The following ELOVL5 variants were observed in gnomAD, a reference collection of about 807,000 sequenced individuals.
ELOVL5 encodes the protein very long chain fatty acid elongase 5.
ELOVL5 carries 8 observed loss-of-function variants against 38.6 expected under a neutral mutation model. That is an observed-to-expected ratio of 0.21 (90% CI 0.12 to 0.37). The LOEUF (loss-of-function observed/expected upper bound fraction) is 0.37, where lower values mean the gene tolerates loss of function less well. ELOVL5 is among the 10% of genes least tolerant of loss of function. The pLI, the probability that ELOVL5 is intolerant of heterozygous loss-of-function variation, is 1.00. For missense variants in ELOVL5, 280 were observed against 367.8 expected (o/e 0.76, Z 1.95); for synonymous variants, 127 against 133.7 (o/e 0.95, Z 0.34).
chr6:53,334,497 AAATCATTCAGGGCTAAACAC>A (rs565639368), intron 1 of ELOVL5, among the ~76,000 whole-genome samples: 2 of 152,266 alleles, frequency 1.3e-5, no homozygotes, highest in Admixed American at 1.3e-4. Context: ...ATTGCAGCAA[AAATCATTCAGGGCTAAACAC>A]TGGAAAAATC....
intron 1 of ELOVL5, among the ~76,000 whole-genome samples, chr6:53,322,461 G>A (rs950356790): frequency 6.6e-6 from 1 of 152,114 alleles, no homozygotes; most frequent in African/African-American, 2.4e-5. Context: ...AATCCCATGC[G>A]GAGGCACTAA....
rs1226807442 is a variant in ELOVL5 at position 53,273,317 on chromosome 6, A to C, written c.524T>G (p.Phe175Cys). ...GTAAGAGTACATGAGGACGTGGATG[A>C]AGCTATTAAGTGTGGCACCAAAATA... ...HSYFGATLNS[F>C]IHVLMYSYYG... The change falls in exon 6 of 8, where the codon TTC becomes TGC. Residue 175 changes from phenylalanine (F) to cysteine (C), a missense_variant. Transcript: ENST00000304434. 2 of 1,613,552 alleles carry C rather than the reference A, an allele frequency of 1.2e-6. No individual in the cohort carries two copies. Among genetic ancestry groups the C allele is most frequent in the Non-Finnish European group, 8.5e-7 (1 of 1,179,670 alleles).
chr6:53,316,510 G>T (rs935103387), intron 1 of ELOVL5, among the ~76,000 whole-genome samples: 3 of 151,076 alleles, frequency 2.0e-5, no homozygotes, highest in Admixed American at 1.3e-4. Context: ...TCCAGAGTTT[G>T]TTTTTAAACT....
At chr6:53,342,321 T>C (rs2127595311) in intron 1 of ELOVL5, among the ~76,000 whole-genome samples, 1 of 152,306 alleles carries the variant, frequency 6.6e-6, no homozygotes, top group South Asian at 2.1e-4. Flanking sequence ...TTTGGTATCA[T>C]GAGAACTATT....
At chr6:53,334,134 A>C (rs1192249308) in intron 1 of ELOVL5, among the ~76,000 whole-genome samples, 2 of 152,232 alleles carry the variant, frequency 1.3e-5, no homozygotes, top group Non-Finnish European at 2.9e-5. Flanking sequence ...ACATGTCTAA[A>C]AAAGTGTTTG....
At chr6:53,313,100 G>C (rs1402003218) in intron 1 of ELOVL5, among the ~76,000 whole-genome samples, 1 of 152,140 alleles carries the variant, frequency 6.6e-6, no homozygotes, top group Non-Finnish European at 1.5e-5. Flanking sequence ...CTGTCAAACA[G>C]TAAGAAAATC....
chr6:53,297,774 C>A lies in ELOVL5; in HGVS notation c.-8-2067G>T, dbSNP rs190722803. Among the ~76,000 whole-genome samples the A allele has an allele frequency of 4.6e-5, 7 of 152,058 alleles. No homozygotes were observed. In the East Asian group the frequency reaches 1.2e-3, roughly 25 times the overall value. On this transcript the variant is annotated intron_variant, in intron 1 of 7. Coordinates refer to ENST00000304434, the MANE Select transcript of ELOVL5 (RefSeq NM_021814.5). ...CATTCTAGGGGCCTTAGAATGTACT[C>A]CCTGACGATGAGGGGGTACTAATAT...
chr6:53,289,428 A>G (rs1395541330), intron 3 of ELOVL5, among the ~76,000 whole-genome samples: 1 of 152,200 alleles, frequency 6.6e-6, no homozygotes, highest in African/African-American at 2.4e-5. Context: ...TAAGTATAAA[A>G]AGAAAAATGG....
At chr6:53,293,958 C>T in intron 2 of ELOVL5, 1 of 443,364 alleles carries the variant, frequency 2.3e-6, no homozygotes, top group South Asian at 6.1e-5. Flanking sequence ...TGCTTAACAC[C>T]TTTTGTTCTC....
At chr6:53,317,604 T>C (rs938654614) in intron 1 of ELOVL5, among the ~76,000 whole-genome samples, 1 of 148,050 alleles carries the variant, frequency 6.8e-6, no homozygotes, top group Admixed American at 6.7e-5. Flanking sequence ...TGAGAACACA[T>C]GGACATAGGA....
intron 6 of ELOVL5, among the ~76,000 whole-genome samples, chr6:53,272,931 C>CATGCATATGTGCTTATGTGCAAAA (rs966875761): frequency 4.0e-5 from 6 of 150,730 alleles, no homozygotes; most frequent in African/African-American, 1.5e-4. Flanking sequence ...TACACACATA[C>CATGCATATGTGCTTATGTGCAAAA]ATGCATATGT....
At chr6:53,331,096 G>A (rs1768782132) in intron 1 of ELOVL5, among the ~76,000 whole-genome samples, 2 of 152,164 alleles carry the variant, frequency 1.3e-5, no homozygotes, top group South Asian at 4.1e-4. Flanking sequence ...TTGGGAGACC[G>A]AGGTGGAAGG....
chr6:53,298,717 A>G (rs1177802774), intron 1 of ELOVL5, among the ~76,000 whole-genome samples: 2 of 152,114 alleles, frequency 1.3e-5, no homozygotes, highest in Non-Finnish European at 2.9e-5. Flanking sequence ...GCTTCTCGGC[A>G]GGGGCACTGC....
At chr6:53,307,458 GGCACA>G (rs1767627578) in intron 1 of ELOVL5, among the ~76,000 whole-genome samples, 1 of 152,170 alleles carries the variant, frequency 6.6e-6, no homozygotes, top group Non-Finnish European at 1.5e-5. Flanking sequence ...AATAGTGTGT[GGCACA>G]GCAAGTACCG....
At chr6:53,277,420 T>G (rs769431809) in intron 3 of ELOVL5, among the ~76,000 whole-genome samples, 3 of 152,158 alleles carry the variant, frequency 2.0e-5, no homozygotes, top group African/African-American at 7.2e-5. Flanking sequence ...CAGTTCATGA[T>G]GAAGAGCCAT....
At chr6:53,295,184 T>C (rs1766943388) in intron 2 of ELOVL5, among the ~76,000 whole-genome samples, 1 of 152,210 alleles carries the variant, frequency 6.6e-6, no homozygotes, top group African/African-American at 2.4e-5. Context: ...AATATGAAGC[T>C]GATTTACTTT....
intron 1 of ELOVL5, among the ~76,000 whole-genome samples, chr6:53,337,536 A>G (rs1769127389): frequency 6.6e-6 from 1 of 152,202 alleles, no homozygotes; most frequent in African/African-American, 2.4e-5. Flanking sequence ...TTTGTGAAAC[A>G]TTATGTATTC....
chr6:53,282,066 T>G (rs1028144804), intron 3 of ELOVL5, among the ~76,000 whole-genome samples: 4 of 152,204 alleles, frequency 2.6e-5, no homozygotes, highest in African/African-American at 9.6e-5. Flanking sequence ...GAACTTTCCC[T>G]CTGTAGAAAG....
intron 3 of ELOVL5, among the ~76,000 whole-genome samples, chr6:53,288,645 A>C (rs1246910674): frequency 1.3e-5 from 2 of 152,208 alleles, no homozygotes; most frequent in African/African-American, 4.8e-5. Context: ...GCAAGTCTAT[A>C]TTCCTTCTAC....
Sources: gnomAD v4.1 joint callset for allele counts (sites outside exome capture counted in the v4.1 genomes callset) on GRCh38, gnomAD v4.1.1 for gene constraint, MANE v1.5 for transcripts, NCBI Gene and HGNC (gene_info 2026-07-23, HGNC 2026-07-21) for gene names.